Variants in HIKESHI observed in about 807,000 individuals in gnomAD.
The protein encoded by HIKESHI is heat shock protein nuclear import factor hikeshi.
In HIKESHI, 13 loss-of-function variants were observed where a neutral mutation model predicts 25.7. The ratio of observed to expected loss-of-function variants is 0.51; its 90% CI spans 0.33 to 0.80. HIKESHI has a LOEUF of 0.80. HIKESHI is among the 30% of genes least tolerant of loss of function. The probability of loss-of-function intolerance (pLI) is 0.02; values close to 1 mark genes in which losing one functional copy is unlikely to be tolerated. For missense variants in HIKESHI, 174 were observed against 229.5 expected, an observed-to-expected ratio of 0.76 and a Z score of 1.56; for synonymous variants, 76 against 78.7, an observed-to-expected ratio of 0.97 and a Z score of 0.18.
At chr11:86,325,531 A>T (rs1947256705) in intron 2 of HIKESHI, among the ~76,000 whole-genome samples, 1 of 152,178 alleles carries the variant, frequency 6.6e-6, no homozygotes, top group Non-Finnish European at 1.5e-5. Flanking sequence ...AACAAGAAGA[A>T]ACTTTTTTTT....
intron 2 of HIKESHI, among the ~76,000 whole-genome samples, chr11:86,312,311 G>A (rs1332671800): frequency 6.6e-6 from 1 of 152,138 alleles, no homozygotes; most frequent in African/African-American, 2.4e-5. Context: ...TTACCATTAT[G>A]TAATGGCCTT....
chr11:86,325,747 C>T (rs1302549371), intron 2 of HIKESHI, among the ~76,000 whole-genome samples: 2 of 151,562 alleles, frequency 1.3e-5, no homozygotes, highest in Non-Finnish European at 2.9e-5. Flanking sequence ...TGGTGTGTGC[C>T]TGTAGTCCCA....
intron 2 of HIKESHI, among the ~76,000 whole-genome samples, chr11:86,321,528 G>A (rs1002248879): frequency 1.0e-4 from 15 of 147,218 alleles, no homozygotes; most frequent in African/African-American, 3.4e-4. Flanking sequence ...TGGTTGTTTT[G>A]TTTTACATTT....
intron 2 of HIKESHI, among the ~76,000 whole-genome samples, chr11:86,332,085 C>T (rs1035772747): frequency 2.1e-4 from 32 of 151,688 alleles, no homozygotes; most frequent in African/African-American, 7.5e-4. Context: ...CTCAGCCTCC[C>T]GAGTAGCTGG....
intron 2 of HIKESHI, among the ~76,000 whole-genome samples, chr11:86,320,609 T>C (rs1458651197): frequency 6.6e-6 from 1 of 152,188 alleles, no homozygotes; most frequent in East Asian, 1.9e-4. Context: ...TATTTTTTAT[T>C]AACAGATTGT....
intron 2 of HIKESHI, among the ~76,000 whole-genome samples, chr11:86,313,214 CT>C (rs565224474): frequency 2.8e-4 from 42 of 152,134 alleles, no homozygotes; most frequent in African/African-American, 9.9e-4. Context: ...CTGAAATTTC[CT>C]TTTTAAAAAT....
chr11:86,312,032 T>A (rs370005998), intron 2 of HIKESHI, among the ~76,000 whole-genome samples: 2 of 152,202 alleles, frequency 1.3e-5, no homozygotes. Context: ...AGAATGTATA[T>A]TCTGTTGATT....
intron 2 of HIKESHI, among the ~76,000 whole-genome samples, chr11:86,319,234 A>ATTTTTT (rs1226979357): frequency 1.1e-5 from 1 of 90,724 alleles, no homozygotes. Context: ...ATATATATAT[A>ATTTTTT]TATATATATT....
chr11:86,318,366 T>G lies in HIKESHI; in HGVS notation c.268+11884T>G, dbSNP rs1192591784. 5.6e-5 allele frequency among the ~76,000 whole-genome samples: 8 copies of G among 143,664 alleles called. No individual in the cohort carries two copies. The South Asian group carries it at 1.5e-3, about 28-fold the overall frequency. 94.2% of individuals were successfully genotyped at this position (143,664 alleles called of 152,430 possible). Reference sequence around the variant, plus strand: ...ATCAATAAAATTAAAATAATTAAAATCAGTAATTAAAAATATACCTCTTCC... The same window carrying G: ...ATCAATAAAATTAAAATAATTAAAAGCAGTAATTAAAAATATACCTCTTCC... On this transcript the variant is annotated intron_variant, in intron 2 of 4. Coordinates refer to ENST00000278483, the MANE Select transcript of HIKESHI (RefSeq NM_016401.4).
At position 86,306,304 on chromosome 11, in the gene HIKESHI, T is replaced by C; in HGVS notation, c.90T>C (p.Tyr30=). 1 of 1,614,136 alleles carries C rather than the reference T, an allele frequency of 6.2e-7. No individual in the cohort carries two copies. Among genetic ancestry groups the C allele is most frequent in the Non-Finnish European group, 8.5e-7 (1 of 1,179,998 alleles). The change falls in exon 2 of 5, where the codon TAT becomes TAC. Residue 30 remains tyrosine (Y), a synonymous_variant. Coordinates refer to ENST00000278483, the MANE Select transcript of HIKESHI (RefSeq NM_016401.4). ...AATTTGTTTTTGACTTACCTGATTA[T>C]GAAAGTATCAACCATGTTGTGGTTT... The part of the protein sequence containing the change: ...EDKFVFDLPD[Y]ESINHVVVFM...
rs572016024 is a variant in HIKESHI at position 86,345,219 on chromosome 11, T to C, written c.540-365T>C. The C allele has an allele frequency of 3.1e-5, 26 of 846,362 alleles. No individual in the cohort carries two copies. In the East Asian group the frequency reaches 2.3e-3, roughly 75 times the overall value. The allele number at this position is 846,362 out of a possible 1,614,324, so 52.4% of individuals were successfully genotyped here. A position where few individuals can be genotyped will look rare whatever the true frequency, so the allele number is the denominator to read the frequency against. ...ACTAGGTTTGAATTTTGGCATAATG[T>C]AGCTATGTGACCCTGAGCAAATTTC... On this transcript the variant is annotated intron_variant, in intron 4 of 4. Coordinates refer to ENST00000278483, the MANE Select transcript of HIKESHI (RefSeq NM_016401.4).
intron 2 of HIKESHI, among the ~76,000 whole-genome samples, chr11:86,332,416 C>G (rs1261218073): frequency 6.6e-6 from 1 of 151,724 alleles, no homozygotes; most frequent in Non-Finnish European, 1.5e-5. Flanking sequence ...TTGTAGAGGT[C>G]TTAAAGAACA....
At chr11:86,309,929 T>C (rs1356618330) in intron 2 of HIKESHI, among the ~76,000 whole-genome samples, 1 of 151,972 alleles carries the variant, frequency 6.6e-6, no homozygotes. Context: ...CATTGGTCTA[T>C]ATCTCTGTTT....
intron 2 of HIKESHI, among the ~76,000 whole-genome samples, chr11:86,328,820 AC>A (rs1947348626): frequency 6.6e-6 from 1 of 151,290 alleles, no homozygotes; most frequent in Admixed American, 6.6e-5. Context: ...TGAGTAATCC[AC>A]CTGCCGTGGC....
intron 2 of HIKESHI, among the ~76,000 whole-genome samples, chr11:86,320,952 T>C (rs1395814018): frequency 1.3e-5 from 2 of 152,212 alleles, no homozygotes; most frequent in Non-Finnish European, 2.9e-5. Context: ...TCACTTTTTT[T>C]GAGACAGAGT....
intron 2 of HIKESHI, chr11:86,326,721 T>C (rs1947291810): frequency 2.9e-6 from 1 of 350,326 alleles, no homozygotes; most frequent in Non-Finnish European, 5.6e-6. Flanking sequence ...GAATCACACT[T>C]GGAGGTGATT....
chr11:86,320,449 G>A (rs558370660), intron 2 of HIKESHI, among the ~76,000 whole-genome samples: 6 of 152,290 alleles, frequency 3.9e-5, no homozygotes, highest in South Asian at 2.1e-4. Flanking sequence ...GCTGGCAGGC[G>A]CCTGTAATCC....
chr11:86,322,437 GTA>G (rs1318302353), intron 2 of HIKESHI, among the ~76,000 whole-genome samples: 3 of 152,018 alleles, frequency 2.0e-5, no homozygotes, highest in Non-Finnish European at 4.4e-5. Flanking sequence ...ATGTGTATAT[GTA>G]TATGTGTGTG....
intron 2 of HIKESHI, among the ~76,000 whole-genome samples, chr11:86,325,853 C>G (rs548450856): frequency 6.9e-6 from 1 of 145,072 alleles, no homozygotes; most frequent in East Asian, 2.0e-4. Context: ...GCCTGGGCAA[C>G]AGACCGAGAC....
Sources: gnomAD v4.1 joint callset for allele counts (sites outside exome capture counted in the v4.1 genomes callset) on GRCh38, gnomAD v4.1.1 for gene constraint, MANE v1.5 for transcripts, NCBI Gene and HGNC (gene_info 2026-07-23, HGNC 2026-07-21) for gene names.